Variants in AASDH observed in about 807,000 individuals in gnomAD.
AASDH encodes aminoadipate-semialdehyde dehydrogenase, also known as beta-alanine-activating enzyme.
In AASDH, 81 loss-of-function variants were observed where a neutral mutation model predicts 102.3. The observed-to-expected ratio is 0.79, with a 90% CI of 0.66 to 0.95. The LOEUF (loss-of-function observed/expected upper bound fraction) is 0.95. Ranked by LOEUF, AASDH falls within the 40% of genes least tolerant of loss-of-function variation. AASDH has a pLI of 0.00. For missense variants in AASDH, 1,203 were observed against 1,266.2 expected (o/e 0.95, Z 0.76); for synonymous variants, 398 against 454.0 (o/e 0.88, Z 1.57).
At chr4:56,360,249 A>G (rs1393602262) in intron 5 of AASDH, among the ~76,000 whole-genome samples, 1 of 152,154 alleles carries the variant, frequency 6.6e-6, no homozygotes, top group Non-Finnish European at 1.5e-5. Flanking sequence ...TTGGTCTCTG[A>G]TTCACATGAG....
At chr4:56,379,968 G>A (rs1156987359) in intron 3 of AASDH, among the ~76,000 whole-genome samples, 5 of 152,158 alleles carry the variant, frequency 3.3e-5, no homozygotes, top group South Asian at 2.1e-4. Flanking sequence ...ATCTTAACCT[G>A]TAAGTGACAG....
Position 56,355,200 on chromosome 4 carries a change from G to T in AASDH, c.1085C>A (p.Thr362Asn), listed in dbSNP as rs746613076. 1.2e-5 allele frequency: 20 copies of T among 1,613,714 alleles called. No individual in the cohort carries two copies. Among genetic ancestry groups the T allele is most frequent in the Non-Finnish European group, 1.7e-5 (20 of 1,179,900 alleles). Reference protein sequence around the residue: ...WATIYRIPEKTLNSTLKCELP... With the variant: ...WATIYRIPEKNLNSTLKCELP... The stretch of plus-strand genomic sequence containing the variant: ...CCCTTACTTGAGAGTAGAGTTAAGA[G>T]TCTTCTCTGGAATCCTATAAATGGT... Residue 362 changes from threonine (T) to asparagine (N), a missense_variant, in exon 6 of 15, where the codon ACT becomes AAT. Physicochemically the swap from Thr to Asn is moderately conservative, Grantham distance 65. Coordinates refer to ENST00000205214, the MANE Select transcript of AASDH (RefSeq NM_181806.4).
intron 5 of AASDH, among the ~76,000 whole-genome samples, chr4:56,362,279 G>A (rs977482685): frequency 6.6e-6 from 1 of 151,346 alleles, no homozygotes; most frequent in Non-Finnish European, 1.5e-5. Context: ...TTGTTTGTTT[G>A]TTTTAGACTA....
intron 5 of AASDH, among the ~76,000 whole-genome samples, chr4:56,368,997 C>A (rs1751377132): frequency 6.6e-6 from 1 of 152,060 alleles, no homozygotes; most frequent in African/African-American, 2.4e-5. Flanking sequence ...GAAAGGACAG[C>A]CTGTCAGCTT....
chr4:56,386,785 G>C (rs1451245928), intron 1 of AASDH, among the ~76,000 whole-genome samples: 3 of 99,750 alleles, frequency 3.0e-5, no homozygotes, highest in African/African-American at 1.2e-4. Context: ...GGGCGACAGA[G>C]CGAGACTCCG....
At chr4:56,367,080 G>T (rs1245117185) in intron 5 of AASDH, among the ~76,000 whole-genome samples, 1 of 151,816 alleles carries the variant, frequency 6.6e-6, no homozygotes, top group African/African-American at 2.4e-5. Flanking sequence ...ACCAATAACA[G>T]ACAAACAGCC....
At chr4:56,364,660 G>A (rs924063957) in intron 5 of AASDH, among the ~76,000 whole-genome samples, 5 of 152,136 alleles carry the variant, frequency 3.3e-5, no homozygotes, top group Admixed American at 3.3e-4. Context: ...TTACAGATAA[G>A]CAAATGCTGA....
Position 56,355,348 on chromosome 4 carries a change from G to A in AASDH, c.937C>T (p.Arg313Ter), listed in dbSNP as rs765349701. ...STVLSATTSLRVLALGGEAFP... is the reference protein window; with the variant it reads ...STVLSATTSL ...GCTTCACCACCAAGGGCTAATACTC[G>A]AAGAGAAGTAGTGGCTGACAAAACA... Residue 313 changes from arginine (R) to a stop codon, truncating the protein, a stop_gained, in exon 6 of 15, where the codon CGA (arginine) becomes TGA (stop). Coordinates refer to ENST00000205214, the MANE Select transcript of AASDH (RefSeq NM_181806.4). LOFTEE classifies it high-confidence loss of function. 3.7e-6 allele frequency: 6 copies of A among 1,614,016 alleles called. No individual in the cohort carries two copies. The highest frequency in any genetic ancestry group is 4.2e-6 in the Non-Finnish European group (5 of 1,180,016).
chr4:56,379,739 T>C (rs914530062), intron 3 of AASDH, among the ~76,000 whole-genome samples: 2 of 152,286 alleles, frequency 1.3e-5, no homozygotes, highest in East Asian at 1.9e-4. Flanking sequence ...ATGGGTAATA[T>C]TTGTTATAAG....
At chr4:56,361,552 T>A (rs1578009542) in intron 5 of AASDH, among the ~76,000 whole-genome samples, 1 of 152,186 alleles carries the variant, frequency 6.6e-6, no homozygotes, top group East Asian at 1.9e-4. Flanking sequence ...ACTTAGTAGA[T>A]AATAGAAAAA....
chr4:56,353,009 CT>C (rs879524516), intron 9 of AASDH, among the ~76,000 whole-genome samples: 2,786 of 144,276 alleles, frequency 0.019, 75 homozygotes, highest in African/African-American at 0.057. Context: ...TACCTAACCT[CT>C]TTTTTTTTTT....
At chr4:56,361,786 C>A (rs1000259093) in intron 5 of AASDH, among the ~76,000 whole-genome samples, 1 of 151,976 alleles carries the variant, frequency 6.6e-6, no homozygotes, top group Non-Finnish European at 1.5e-5. Flanking sequence ...GCCTGGGCAA[C>A]ACAGGGAGAC....
intron 4 of AASDH, among the ~76,000 whole-genome samples, chr4:56,372,211 A>G (rs777041623): frequency 7.9e-5 from 12 of 152,082 alleles, no homozygotes; most frequent in Non-Finnish European, 1.0e-4. Flanking sequence ...CTTCTTCCCA[A>G]TCTGATTTCA....
intron 4 of AASDH, among the ~76,000 whole-genome samples, chr4:56,374,367 CAGAAAAAAA>C (rs1354269184): frequency 2.7e-5 from 3 of 110,220 alleles, no homozygotes; most frequent in Admixed American, 1.8e-4. Context: ...GACTCTGTCT[CAGAAAAAAA>C]AAAAAAAAAA....
At chr4:56,353,715 G>T in intron 8 of AASDH, 119 bp from the exon 9 acceptor site, 1 of 930,246 alleles carries the variant, frequency 1.1e-6, no homozygotes, top group Non-Finnish European at 1.5e-6. Context: ...ATATACTGGA[G>T]ATTTTTAAAA....
At chr4:56,384,022 T>C in intron 2 of AASDH, 48 bp downstream of exon 2, 1 of 1,495,250 alleles carries the variant, frequency 6.7e-7, no homozygotes, top group Non-Finnish European at 9.3e-7. Flanking sequence ...ATTAAAAATT[T>C]ACATTAGCTT....
intron 5 of AASDH, among the ~76,000 whole-genome samples, chr4:56,357,591 C>T (rs912656436): frequency 6.6e-6 from 1 of 150,986 alleles, no homozygotes; most frequent in African/African-American, 2.4e-5. Flanking sequence ...TTTTCTGTCG[C>T]TACAGATCAG....
chr4:56,359,338 TGCCTCCC>T (rs1243388682), intron 5 of AASDH, among the ~76,000 whole-genome samples: 1 of 151,974 alleles, frequency 6.6e-6, no homozygotes, highest in Non-Finnish European at 1.5e-5. Context: ...TCCTGCCTCC[TGCCTCCC>T]GCCTCCCGAG....
At chr4:56,367,115 C>G (rs1396068912) in intron 5 of AASDH, among the ~76,000 whole-genome samples, 1 of 152,196 alleles carries the variant, frequency 6.6e-6, no homozygotes, top group South Asian at 2.1e-4. Context: ...CTCCCATTCA[C>G]AATTGCTTCA....
Sources: allele counts gnomAD v4.1 joint callset (sites outside exome capture counted in the v4.1 genomes callset), GRCh38; gene constraint gnomAD v4.1.1; transcripts MANE v1.5; gene names NCBI Gene and HGNC (gene_info 2026-07-23, HGNC 2026-07-21).